Variants in TGFA observed in about 807,000 individuals in gnomAD.
The protein encoded by TGFA is protransforming growth factor alpha.
TGFA carries 12 observed loss-of-function variants against 21.7 expected under a neutral mutation model. That is an observed-to-expected ratio of 0.55 (90% CI 0.35 to 0.90). TGFA has a LOEUF of 0.90. Among genes scored for constraint, TGFA ranks in the 40% least tolerant of loss-of-function variants. TGFA has a pLI of 0.01. For missense variants in TGFA, 178 were observed against 210.8 expected (o/e 0.84, Z 0.96); for synonymous variants, 79 against 88.1 (o/e 0.90, Z 0.58).
At chr2:70,539,255 C>T (rs927072143) in intron 1 of TGFA, among the ~76,000 whole-genome samples, 53 of 152,002 alleles carry the variant, frequency 3.5e-4, no homozygotes, top group African/African-American at 1.2e-3. Context: ...TTGTGGTGGC[C>T]CGGAGCTGGG....
At chr2:70,459,005 G>A (rs1414019097) in intron 3 of TGFA, among the ~76,000 whole-genome samples, 9 of 152,238 alleles carry the variant, frequency 5.9e-5, no homozygotes, top group African/African-American at 2.2e-4. Context: ...AAGGGTTAGG[G>A]TTAGGGTTAG....
chr2:70,503,582 T>A (rs6707016), intron 2 of TGFA, among the ~76,000 whole-genome samples: 85,408 of 142,646 alleles, frequency 0.6, 25,087 homozygotes, highest in African/African-American at 0.7. Flanking sequence ...ATAATAATAA[T>A]AAAAAAAAAA....
At chr2:70,472,010 CCCT>C (rs1670765628) in intron 2 of TGFA, among the ~76,000 whole-genome samples, 1 of 152,090 alleles carries the variant, frequency 6.6e-6, no homozygotes, top group Non-Finnish European at 1.5e-5. Flanking sequence ...CTCTCTCTCC[CCCT>C]ATTTTTTTCT....
chr2:70,513,691 G>A (rs1672175064), intron 2 of TGFA, among the ~76,000 whole-genome samples: 1 of 152,210 alleles, frequency 6.6e-6, no homozygotes, highest in Non-Finnish European at 1.5e-5. Context: ...TGGGTTTGGA[G>A]GGAAAGGCCT....
At chr2:70,530,731 T>C (rs1441625350) in intron 1 of TGFA, among the ~76,000 whole-genome samples, 1 of 152,206 alleles carries the variant, frequency 6.6e-6, no homozygotes, top group Non-Finnish European at 1.5e-5. Flanking sequence ...GTGTCTCATC[T>C]AGCTCAGCAC....
chr2:70,467,011 G>A (rs1356261338), intron 2 of TGFA, among the ~76,000 whole-genome samples: 3 of 151,764 alleles, frequency 2.0e-5, no homozygotes, highest in African/African-American at 7.3e-5. Flanking sequence ...GGGAGAGTGT[G>A]GGGGGAGTGT....
At chr2:70,451,236 C>CAGAA (rs1326491766) in intron 5 of TGFA, among the ~76,000 whole-genome samples, 1 of 152,164 alleles carries the variant, frequency 6.6e-6, no homozygotes, top group East Asian at 1.9e-4. Context: ...GCTCTGGTGG[C>CAGAA]AGAAAGGCTT....
chr2:70,493,018 A>G (rs1166901723), intron 2 of TGFA, among the ~76,000 whole-genome samples: 1 of 152,240 alleles, frequency 6.6e-6, no homozygotes, highest in Non-Finnish European at 1.5e-5. Flanking sequence ...CTCATATACA[A>G]ATATGAAAAC....
At chr2:70,478,453 A>T (rs1671003695) in intron 2 of TGFA, among the ~76,000 whole-genome samples, 1 of 152,112 alleles carries the variant, frequency 6.6e-6, no homozygotes, top group South Asian at 2.1e-4. Flanking sequence ...CCAAATGGCC[A>T]TGATCATGTA....
chr2:70,513,973 T>A (rs1179686879), intron 2 of TGFA, among the ~76,000 whole-genome samples: 1 of 152,204 alleles, frequency 6.6e-6, no homozygotes, highest in African/African-American at 2.4e-5. Context: ...GTCATAAATC[T>A]GTATTTATTC....
chr2:70,475,085 C>T (rs970801843), intron 2 of TGFA, among the ~76,000 whole-genome samples: 1 of 151,806 alleles, frequency 6.6e-6, no homozygotes, highest in Admixed American at 6.6e-5. Flanking sequence ...GAGTTTGCAT[C>T]ATTTTGGTAC....
At chr2:70,463,452 C>G (rs750292461) in intron 3 of TGFA, among the ~76,000 whole-genome samples, 1 of 152,138 alleles carries the variant, frequency 6.6e-6, no homozygotes, top group African/African-American at 2.4e-5. Flanking sequence ...CCCACCCCAG[C>G]GTTCAGAAGG....
At chr2:70,547,260 C>T (rs1232160853) in intron 1 of TGFA, among the ~76,000 whole-genome samples, 2 of 152,076 alleles carry the variant, frequency 1.3e-5, no homozygotes, top group Admixed American at 1.3e-4. Context: ...GAGTATTTCC[C>T]AGCCACTAGA....
In TGFA at chr2:70,497,767, A is replaced by G. The variant is rs115326554; in HGVS notation, c.94+17092T>C. On this transcript the variant is annotated intron_variant, in intron 2 of 5. Transcript: ENST00000295400. Reference sequence around the variant, plus strand: ...CTTGGCCATGTCAGCCTGACCAGTAAGAATCATTTTACAGAACCTATGTCA... The same window carrying G: ...CTTGGCCATGTCAGCCTGACCAGTAGGAATCATTTTACAGAACCTATGTCA... Among the ~76,000 whole-genome samples, 484 of 152,344 alleles carry G rather than the reference A, an allele frequency of 3.2e-3. 5 individuals carry two copies. Among genetic ancestry groups the G allele is most frequent in the African/African-American group, 0.011 (459 of 41,576 alleles).
intron 2 of TGFA, among the ~76,000 whole-genome samples, chr2:70,505,800 A>G (rs539893233): frequency 1.3e-5 from 2 of 152,328 alleles, no homozygotes; most frequent in East Asian, 3.9e-4. Flanking sequence ...TTTAAGAAAC[A>G]TTTTAGTCAA....
Position 70,531,257 on chromosome 2 carries a change from G to A in TGFA, c.41-16345C>T, listed in dbSNP as rs570747770. On this transcript the variant is annotated intron_variant, in intron 1 of 5. Transcript: ENST00000295400. ...GCTGTGTTTTTTTGCCTCTTACTTC[G>A]AGGGGAGGCAGACACCCCAGTGTGT... Among the ~76,000 whole-genome samples the A allele has an allele frequency of 8.5e-5, 13 of 152,212 alleles. No homozygotes were observed. In the South Asian group the frequency reaches 2.1e-3, roughly 24 times the overall value.
chr2:70,456,660 C>T (rs1347976027), intron 3 of TGFA, among the ~76,000 whole-genome samples, 172 bp from the exon 4 acceptor site: 3 of 152,196 alleles, frequency 2.0e-5, no homozygotes, highest in Non-Finnish European at 4.4e-5. Context: ...GTTTCCCTGT[C>T]GCAGGCACCG....
At chr2:70,523,508 C>G (rs1672541452) in intron 1 of TGFA, among the ~76,000 whole-genome samples, 1 of 152,194 alleles carries the variant, frequency 6.6e-6, no homozygotes, top group African/African-American at 2.4e-5. Flanking sequence ...AACACTAACT[C>G]CTTCTCTTCT....
intron 2 of TGFA, among the ~76,000 whole-genome samples, chr2:70,507,919 T>C (rs76262158): frequency 0.017 from 2,553 of 152,356 alleles, 37 homozygotes; most frequent in Non-Finnish European, 0.024. Flanking sequence ...TTTATCAACC[T>C]ATTTCTGTTC....
Sources: allele counts gnomAD v4.1 joint callset (sites outside exome capture counted in the v4.1 genomes callset), GRCh38; gene constraint gnomAD v4.1.1; transcripts MANE v1.5; gene names NCBI Gene and HGNC (gene_info 2026-07-23, HGNC 2026-07-21).